CNTN4: variants seen among roughly 807,000 people sequenced by gnomAD.
CNTN4 encodes the protein contactin 4.
A neutral mutation model predicts 122.5 loss-of-function variants in CNTN4; 77 were observed. The observed-to-expected ratio is 0.63, with a 90% CI of 0.52 to 0.76. The LOEUF (loss-of-function observed/expected upper bound fraction) is 0.76. Ranked by LOEUF, CNTN4 falls within the 30% of genes least tolerant of loss-of-function variation. The pLI is 0.00. For missense variants in CNTN4, 1,256 were observed against 1,259.1 expected (o/e 1.00, Z 0.04); for synonymous variants, 512 against 447.0 (o/e 1.15, Z -1.83).
chr3:2,909,133 G>A (rs2094271185), intron 12 of CNTN4, among the ~76,000 whole-genome samples: 3 of 152,176 alleles, frequency 2.0e-5, no homozygotes, highest in Admixed American at 2.0e-4. Context: ...GTTGAGCCAG[G>A]TTACAAAATA....
At chr3:2,822,968 T>G (rs544904874) in intron 7 of CNTN4, among the ~76,000 whole-genome samples, 1 of 152,306 alleles carries the variant, frequency 6.6e-6, no homozygotes, top group South Asian at 2.1e-4. Context: ...CAGGCACGGC[T>G]AAGAAATTTT....
chr3:2,320,474 C>T (rs770369403), intron 2 of CNTN4, among the ~76,000 whole-genome samples: 4 of 152,118 alleles, frequency 2.6e-5, no homozygotes, highest in Non-Finnish European at 5.9e-5. Flanking sequence ...CAGCGTCCCA[C>T]CTTAACATAG....
intron 4 of CNTN4, among the ~76,000 whole-genome samples, chr3:2,576,408 G>A (rs2079687039): frequency 6.6e-6 from 1 of 152,170 alleles, no homozygotes; most frequent in Non-Finnish European, 1.5e-5. Flanking sequence ...GCAATACTAT[G>A]ATGCTAATCC....
At chr3:2,423,997 G>T (rs2047716347) in intron 3 of CNTN4, among the ~76,000 whole-genome samples, 1 of 144,212 alleles carries the variant, frequency 6.9e-6, no homozygotes, top group Non-Finnish European at 1.5e-5. Context: ...CGAGTTAATG[G>T]GTGTAGCACA....
intron 8 of CNTN4, among the ~76,000 whole-genome samples, chr3:2,874,149 T>C (rs78804178): frequency 0.018 from 2,691 of 152,298 alleles, 87 homozygotes; most frequent in African/African-American, 0.061. Flanking sequence ...TTGGCAGTCA[T>C]CTTTAGACCT....
At chr3:2,159,093 A>G (rs1018379615) in intron 2 of CNTN4, among the ~76,000 whole-genome samples, 1 of 152,150 alleles carries the variant, frequency 6.6e-6, no homozygotes, top group Non-Finnish European at 1.5e-5. Flanking sequence ...TAGCAGGCCT[A>G]TAACTTCTTC....
rs970047535 is a variant in CNTN4 at position 2,709,102 on chromosome 3, C to T, written c.56-27113C>T. Among the ~76,000 whole-genome samples the T allele has an allele frequency of 6.6e-6, 1 of 152,052 alleles. No homozygotes were observed. The highest frequency in any genetic ancestry group is 1.5e-5 in the Non-Finnish European group (1 of 68,020). ...CTGAATTTCATTTAGACCTCGGTGG[C>T]TGAGTTTTTAAGCTAGATCGTTACA... On this transcript the variant is annotated intron_variant, in intron 4 of 24. Transcript: ENST00000418658. This position sits in a 1 kb window ranked among gnomAD's most constrained non-coding sequence, Gnocchi z 5.0.
At chr3:2,209,272 A>G (rs2038500527) in intron 2 of CNTN4, among the ~76,000 whole-genome samples, 1 of 152,170 alleles carries the variant, frequency 6.6e-6, no homozygotes, top group African/African-American at 2.4e-5. Flanking sequence ...GATCTTTTAC[A>G]TGAGTGGGCA....
chr3:2,305,643 AT>A (rs766627140), intron 2 of CNTN4, among the ~76,000 whole-genome samples: 1 of 152,172 alleles, frequency 6.6e-6, no homozygotes, highest in Non-Finnish European at 1.5e-5. Flanking sequence ...TAAATGAGAT[AT>A]TCATGTATGA....
intron 7 of CNTN4, among the ~76,000 whole-genome samples, chr3:2,862,347 AT>A (rs2093679627): frequency 6.6e-6 from 1 of 152,246 alleles, no homozygotes; most frequent in Non-Finnish European, 1.5e-5. Flanking sequence ...TCTTTTAAAA[AT>A]AAGAGCCATA....
At chr3:2,133,491 C>A (rs1476612079) in intron 2 of CNTN4, among the ~76,000 whole-genome samples, 1 of 152,176 alleles carries the variant, frequency 6.6e-6, no homozygotes, top group Non-Finnish European at 1.5e-5. Context: ...ATTCCAATGT[C>A]AATCTGTTCT....
At chr3:2,350,368 T>A (rs1323015647) in intron 3 of CNTN4, among the ~76,000 whole-genome samples, 1 of 152,152 alleles carries the variant, frequency 6.6e-6, no homozygotes, top group Non-Finnish European at 1.5e-5. Flanking sequence ...TAACCTCATC[T>A]TTACTCCACA....
chr3:2,659,081 C>T lies in CNTN4; in HGVS notation c.56-77134C>T, dbSNP rs558689757. Among the ~76,000 whole-genome samples the T allele has an allele frequency of 5.3e-5, 8 of 151,664 alleles. No individual in the cohort carries two copies. The East Asian group carries it at 1.6e-3, about 29-fold the overall frequency. ...AAATACAGTGAGATCAGAAAGAATG[C>T]TCTGTTCAAAAAAATCACATACTTT... On this transcript the variant is annotated intron_variant, in intron 4 of 24. Transcript: ENST00000418658.
At chr3:2,705,704 A>G (rs2086652147) in intron 4 of CNTN4, among the ~76,000 whole-genome samples, 1 of 96,060 alleles carries the variant, frequency 1.0e-5, no homozygotes, top group East Asian at 3.3e-4. Context: ...AATATATAAA[A>G]TATATAATAT....
intron 9 of CNTN4, 146 bp from the exon 10 acceptor site, chr3:2,886,894 T>TA (rs1455989183): frequency 3.1e-6 from 2 of 653,938 alleles, no homozygotes; most frequent in African/African-American, 3.7e-5. Flanking sequence ...TGGATATGAT[T>TA]AAAGTTATAA....
intron 2 of CNTN4, among the ~76,000 whole-genome samples, chr3:2,314,512 G>C (rs1291531338): frequency 1.3e-5 from 2 of 151,838 alleles, no homozygotes; most frequent in Non-Finnish European, 2.9e-5. Context: ...GTGATAATAG[G>C]TGAAAGGGTA....
intron 2 of CNTN4, among the ~76,000 whole-genome samples, chr3:2,250,723 A>G (rs2040344010): frequency 1.3e-5 from 2 of 151,944 alleles, no homozygotes; most frequent in Non-Finnish European, 2.9e-5. Context: ...GGACTGCATT[A>G]TGCATATTTA....
intron 10 of CNTN4, among the ~76,000 whole-genome samples, chr3:2,887,963 T>A (rs1187841350): frequency 6.6e-6 from 1 of 152,202 alleles, no homozygotes; most frequent in Non-Finnish European, 1.5e-5. Flanking sequence ...CCCATCTGTC[T>A]GGGATACAGA....
At chr3:2,176,926 G>T (rs2036772603) in intron 2 of CNTN4, among the ~76,000 whole-genome samples, 1 of 151,984 alleles carries the variant, frequency 6.6e-6, no homozygotes, top group South Asian at 2.1e-4. Context: ...GAAGTCAGGA[G>T]AAAATCAACA....
Sources: allele counts gnomAD v4.1 joint callset (sites outside exome capture counted in the v4.1 genomes callset), GRCh38; gene constraint gnomAD v4.1.1; non-coding constraint Gnocchi (gnomAD v3.1); transcripts MANE v1.5; gene names NCBI Gene and HGNC (gene_info 2026-07-23, HGNC 2026-07-21).